The following NRXN3 variants were observed in gnomAD, a reference collection of about 807,000 sequenced individuals.
NRXN3 encodes the protein neurexin 3.
Under a neutral mutation model 137.6 loss-of-function variants are expected in NRXN3, and 32 were observed. The observed-to-expected ratio is 0.23, with a 90% CI of 0.18 to 0.31. The LOEUF (loss-of-function observed/expected upper bound fraction) is 0.31, where lower values mean the gene tolerates loss of function less well. Among genes scored for constraint, NRXN3 ranks in the 10% least tolerant of loss-of-function variants. The pLI is 1.00. For missense variants in NRXN3, 1,574 were observed against 2,062.5 expected, an observed-to-expected ratio of 0.76 and a Z score of 4.59; for synonymous variants, 798 against 784.5, an observed-to-expected ratio of 1.02 and a Z score of -0.29.
intron 15 of NRXN3, among the ~76,000 whole-genome samples, chr14:79,444,311 C>T (rs1476028816): frequency 6.6e-6 from 1 of 152,104 alleles, no homozygotes; most frequent in East Asian, 1.9e-4. Context: ...AATGTCCCTC[C>T]CTTCTCTTAT....
chr14:78,851,691 C>T (rs1259526168), intron 10 of NRXN3, among the ~76,000 whole-genome samples: 1 of 152,150 alleles, frequency 6.6e-6, no homozygotes, highest in Non-Finnish European at 1.5e-5. Context: ...AGGCATGTCA[C>T]TCAGATGGAA....
At position 79,732,663 on chromosome 14, in the gene NRXN3, T is replaced by C. The variant is rs199517171; in HGVS notation, c.4014+34726T>C. ...ATGGCCCCATAATAATAGCTACATG[T>C]CTATGCACTTTTGAGCTTGGGTCTG... On this transcript the variant is annotated intron_variant, in intron 19 of 20. Coordinates refer to ENST00000335750, the MANE Select transcript of NRXN3 (RefSeq NM_001330195.2). Among the ~76,000 whole-genome samples the C allele has an allele frequency of 3.9e-5, 6 of 152,216 alleles. 1 individual carries two copies. In the East Asian group the frequency reaches 1.2e-3, roughly 29 times the overall value.
intron 15 of NRXN3, among the ~76,000 whole-genome samples, chr14:79,053,257 A>G (rs1385536951): frequency 6.6e-6 from 1 of 152,196 alleles, no homozygotes; most frequent in African/African-American, 2.4e-5. Context: ...TTACAGCTTG[A>G]TGTATGTTAA....
chr14:78,453,936 A>G (rs1050478116), intron 4 of NRXN3, among the ~76,000 whole-genome samples: 1 of 152,208 alleles, frequency 6.6e-6, no homozygotes, highest in Non-Finnish European at 1.5e-5. Flanking sequence ...ACTTGATCAC[A>G]GTCTTTTAGT....
chr14:79,191,195 A>G (rs374437637), intron 15 of NRXN3, among the ~76,000 whole-genome samples: 26 of 152,346 alleles, frequency 1.7e-4, no homozygotes, highest in African/African-American at 3.8e-4. Flanking sequence ...ACAAGTCATC[A>G]TACCAGTATT....
chr14:78,336,149 G>A (rs923415192), intron 4 of NRXN3, among the ~76,000 whole-genome samples: 4 of 152,116 alleles, frequency 2.6e-5, no homozygotes, highest in African/African-American at 4.8e-5. Flanking sequence ...CACTTAAAAC[G>A]GAAGTTCATT....
intron 15 of NRXN3, among the ~76,000 whole-genome samples, chr14:79,404,859 G>A (rs1042741571): frequency 3.3e-5 from 5 of 152,174 alleles, no homozygotes; most frequent in African/African-American, 7.2e-5. Flanking sequence ...TCATGTATCT[G>A]CCCTGGCAGA....
intron 1 of NRXN3, among the ~76,000 whole-genome samples, chr14:78,172,309 T>A (rs2058798812): frequency 1.3e-5 from 2 of 152,150 alleles, no homozygotes; most frequent in Non-Finnish European, 2.9e-5. Context: ...CTTTATTAAT[T>A]TGCCGTTCTG....
intron 16 of NRXN3, among the ~76,000 whole-genome samples, chr14:79,651,517 A>G (rs954454880): frequency 1.3e-5 from 2 of 152,168 alleles, no homozygotes; most frequent in Non-Finnish European, 2.9e-5. Flanking sequence ...TTCTTCCCTC[A>G]CAATGCTCAT....
At chr14:79,630,402 T>G (rs911690878) in intron 16 of NRXN3, among the ~76,000 whole-genome samples, 1 of 152,234 alleles carries the variant, frequency 6.6e-6, no homozygotes, top group African/African-American at 2.4e-5. Context: ...GAGAAAACAT[T>G]CCTTCAAGAG....
intron 4 of NRXN3, among the ~76,000 whole-genome samples, chr14:78,333,350 G>A (rs927267877): frequency 5.3e-5 from 8 of 152,186 alleles, no homozygotes; most frequent in South Asian, 2.1e-4. Context: ...GATTTAGTGC[G>A]TGCCTACTGT....
chr14:78,878,429 C>T (rs1158017169), intron 10 of NRXN3, among the ~76,000 whole-genome samples: 1 of 152,110 alleles, frequency 6.6e-6, no homozygotes, highest in African/African-American at 2.4e-5. Flanking sequence ...GATGGGGAAC[C>T]AGCCAATGTG....
chr14:79,385,204 T>TCCCCCCCC (rs557799323), intron 15 of NRXN3, among the ~76,000 whole-genome samples: 12 of 90,540 alleles, frequency 1.3e-4, no homozygotes, highest in East Asian at 7.8e-4. Context: ...ATGCTATCCT[T>TCCCCCCCC]CCCCCCGCCC....
Position 79,554,441 on chromosome 14 carries a change from G to A in NRXN3, c.3444+87039G>A, listed in dbSNP as rs192084954. The stretch of plus-strand genomic sequence containing the variant: ...ATTTCCTTCTTGTAGGAATAGCTAG[G>A]CATTTCCTCCCACGGTCCAAGGTGA... On this transcript the variant is annotated intron_variant, in intron 16 of 20. Transcript: ENST00000335750. Among the ~76,000 whole-genome samples, 408 of 152,218 alleles carry A rather than the reference G, an allele frequency of 2.7e-3. 1 individual carries two copies. Among genetic ancestry groups the A allele is most frequent in the African/African-American group, 8.7e-3 (363 of 41,542 alleles).
intron 19 of NRXN3, among the ~76,000 whole-genome samples, chr14:79,758,010 G>A (rs2099025583): frequency 6.6e-6 from 1 of 152,090 alleles, no homozygotes; most frequent in African/African-American, 2.4e-5. Context: ...ATCCATTAAA[G>A]TAGAGTGTGT....
chr14:79,263,205 T>C (rs969944834), intron 15 of NRXN3, among the ~76,000 whole-genome samples: 1 of 152,208 alleles, frequency 6.6e-6, no homozygotes, highest in Non-Finnish European at 1.5e-5. Flanking sequence ...ACCACACATA[T>C]AGAAATCTCC....
At chr14:79,129,486 T>C (rs1160596109) in intron 15 of NRXN3, among the ~76,000 whole-genome samples, 3 of 148,614 alleles carry the variant, frequency 2.0e-5, no homozygotes, top group Non-Finnish European at 4.4e-5. Flanking sequence ...AGTTGAGCGG[T>C]TTTGAGTGAG....
At chr14:79,815,641 A>G (rs939539771) in intron 20 of NRXN3, among the ~76,000 whole-genome samples, 3 of 152,168 alleles carry the variant, frequency 2.0e-5, no homozygotes, top group African/African-American at 7.2e-5. Context: ...TGAGCCAGGT[A>G]AAGCTGCTTG....
intron 16 of NRXN3, among the ~76,000 whole-genome samples, chr14:79,588,552 C>T (rs2097779156): frequency 6.6e-6 from 1 of 152,190 alleles, no homozygotes; most frequent in African/African-American, 2.4e-5. Context: ...TCTTGCTCTT[C>T]AATTGTTCTT....
Sources: gnomAD v4.1 joint callset for allele counts (sites outside exome capture counted in the v4.1 genomes callset) on GRCh38, gnomAD v4.1.1 for gene constraint, MANE v1.5 for transcripts, NCBI Gene and HGNC (gene_info 2026-07-23, HGNC 2026-07-21) for gene names.